TMEM67: variants seen among roughly 807,000 people sequenced by gnomAD.
TMEM67 encodes meckelin.
TMEM67 carries 124 observed loss-of-function variants against 136.6 expected under a neutral mutation model. The observed-to-expected ratio is 0.91, with a 90% CI of 0.78 to 1.05. The LOEUF (loss-of-function observed/expected upper bound fraction) is 1.05. TMEM67 is among the 50% of genes least tolerant of loss of function. The probability of loss-of-function intolerance (pLI) is 0.00; values close to 1 mark genes in which losing one functional copy is unlikely to be tolerated. For missense variants in TMEM67, 1,107 were observed against 1,178.4 expected (o/e 0.94, Z 0.89); for synonymous variants, 364 against 390.5 (o/e 0.93, Z 0.80).
At chr8:93,820,029 G>T (rs940586952), downstream of TMEM67, among the ~76,000 whole-genome samples, 1 of 152,000 alleles carries the variant, frequency 6.6e-6, no homozygotes, top group Non-Finnish European at 1.5e-5. Context: ...GGGCAACTAG[G>T]GATAGTCTCT....
At chr8:93,830,766 A>G in the TMEM67 span, among the ~76,000 whole-genome samples, 1 of 152,366 alleles carries the variant, frequency 6.6e-6, no homozygotes, top group Admixed American at 6.5e-5. Context: ...CAGCTTCTGT[A>G]GACTCAGCTT....
intron 3 of TMEM67, among the ~76,000 whole-genome samples, chr8:93,763,632 C>CT (rs896152893): frequency 7.9e-5 from 12 of 151,294 alleles, no homozygotes; most frequent in Non-Finnish European, 1.0e-4. Context: ...CATCACTTCT[C>CT]TTTTTTTTTG....
chr8:93,777,950 G>C (rs1813630116), intron 7 of TMEM67, among the ~76,000 whole-genome samples: 2 of 152,102 alleles, frequency 1.3e-5, no homozygotes, highest in Admixed American at 6.5e-5. Flanking sequence ...AGTGACAGTG[G>C]GGTGTTAAAG....
At chr8:93,815,738 A>G (rs1039918351) in intron 27 of TMEM67, among the ~76,000 whole-genome samples, 10 of 152,344 alleles carry the variant, frequency 6.6e-5, no homozygotes, top group African/African-American at 2.2e-4. Flanking sequence ...AGATGCTACA[A>G]GTGAACAGTA....
rs970248353 is a variant in TMEM67, at chr8:93,765,651, G to A, written c.651+5G>A. The A allele has an allele frequency of 5.6e-6, 9 of 1,603,284 alleles. No homozygotes were observed. In the African/African-American group the frequency reaches 9.4e-5, roughly 17 times the overall value. On this transcript the variant is annotated splice_donor_5th_base_variant and intron_variant, in intron 6 of 27. Coordinates refer to ENST00000453321, the MANE Select transcript of TMEM67 (RefSeq NM_153704.6). ...GCTGCACGTTATGGAGAAGTTGTGA[G>A]TATGTTTCAATTTTTTTGTTCTGTT...
At chr8:93,807,768 G>A (rs571344771) in intron 23 of TMEM67, among the ~76,000 whole-genome samples, 41 of 152,002 alleles carry the variant, frequency 2.7e-4, no homozygotes, top group African/African-American at 7.0e-4. Flanking sequence ...TTATGTTTTC[G>A]GGTTAGATTT....
At chr8:93,764,513 C>T (rs1173675828) in intron 4 of TMEM67, among the ~76,000 whole-genome samples, 1 of 152,090 alleles carries the variant, frequency 6.6e-6, no homozygotes, top group Non-Finnish European at 1.5e-5. Flanking sequence ...CACACACACA[C>T]ACACACACAC....
chr8:93,819,427 G>A (rs1332326745), downstream of TMEM67, among the ~76,000 whole-genome samples: 2 of 152,136 alleles, frequency 1.3e-5, no homozygotes, highest in African/African-American at 4.8e-5. Context: ...GTGGAGTATT[G>A]TCTCTGGGAG....
intron 7 of TMEM67, among the ~76,000 whole-genome samples, chr8:93,778,503 T>C (rs1813662433): frequency 1.3e-5 from 2 of 152,224 alleles, no homozygotes; most frequent in South Asian, 4.1e-4. Context: ...TGGTTGTTCC[T>C]TCCCATGTTT....
the TMEM67 span, among the ~76,000 whole-genome samples, chr8:93,825,683 C>T: frequency 1.3e-5 from 2 of 152,096 alleles, no homozygotes; most frequent in Non-Finnish European, 2.9e-5. Flanking sequence ...TGAATGAAAG[C>T]GATGAAGTGG....
Position 93,793,267 on chromosome 8 carries a change from C to T in TMEM67, c.1645C>T (p.Arg549Cys), listed in dbSNP as rs747025617. ...TTTGAAGACAGCAGGATGGAAGAGG[C>T]GCATTGGGAGTCCCATGATTGATTT... is the stretch of plus-strand genomic sequence containing the variant. ...SLLKTAGWKR[R>C]IGSPMIDLQT... Residue 549 changes from arginine (R) to cysteine (C), a missense_variant, in exon 16 of 28, where the codon CGC becomes TGC. Coordinates refer to ENST00000453321, the MANE Select transcript of TMEM67 (RefSeq NM_153704.6). 41 of 1,613,778 alleles carry T rather than the reference C, an allele frequency of 2.5e-5. No individual in the cohort carries two copies. The highest frequency in any genetic ancestry group is 1.6e-4 in the East Asian group (7 of 44,896).
Position 93,780,885 on chromosome 8 carries a change from T to C in TMEM67, c.881T>C (p.Leu294Pro). Residue 294 changes from leucine to proline, a missense_variant, in exon 9 of 28, where the codon CTT (leucine) becomes CCT (proline). This residue lies in a region of TMEM67 where 925 missense variants were observed against 1,002.4 expected (regional missense o/e 0.92). Coordinates refer to ENST00000453321, the MANE Select transcript of TMEM67 (RefSeq NM_153704.6). ...GTAACTGTTTATAGGAGACAGAATC[T>C]TCCTTGGCTGTTTTATGGAGACCAG... ...VHSISFWRQNLPWLFYGDQLG... is the reference protein window; with the variant it reads ...VHSISFWRQNPPWLFYGDQLG... The C allele has an allele frequency of 1.2e-6, 2 of 1,611,502 alleles. No individual in the cohort carries two copies. The highest frequency in any genetic ancestry group is 1.7e-6 in the Non-Finnish European group (2 of 1,179,002).
intron 27 of TMEM67, among the ~76,000 whole-genome samples, chr8:93,815,941 G>A (rs942582048): frequency 2.0e-5 from 3 of 152,320 alleles, no homozygotes; most frequent in African/African-American, 2.4e-5. Flanking sequence ...TCTTGAAATG[G>A]TGTTATTATC....
chr8:93,802,582 TA>T (rs1814914301), intron 21 of TMEM67, among the ~76,000 whole-genome samples: 1 of 152,238 alleles, frequency 6.6e-6, no homozygotes, highest in East Asian at 1.9e-4. Context: ...CAAGAATCCT[TA>T]AGGGTTCCTT....
the TMEM67 span, among the ~76,000 whole-genome samples, chr8:93,827,592 T>G: frequency 6.6e-6 from 1 of 151,354 alleles, no homozygotes; most frequent in Non-Finnish European, 1.5e-5. Context: ...TTTTTTTTTT[T>G]TGTATTTTTT....
intron 7 of TMEM67, among the ~76,000 whole-genome samples, chr8:93,774,840 A>G (rs942290234): frequency 6.6e-6 from 1 of 152,192 alleles, no homozygotes; most frequent in Non-Finnish European, 1.5e-5. Context: ...GTGTCTTTAT[A>G]GTAGCATGAT....
At chr8:93,800,589 T>C (rs560668944) in intron 21 of TMEM67, among the ~76,000 whole-genome samples, 1 of 152,280 alleles carries the variant, frequency 6.6e-6, no homozygotes, top group African/African-American at 2.4e-5. Context: ...AGCTCTGTTA[T>C]TATCCTCATT....
At chr8:93,818,941 A>G, downstream of TMEM67, 2 of 375,472 alleles carry the variant, frequency 5.3e-6, no homozygotes, top group South Asian at 4.1e-5. Flanking sequence ...AGCTGGAACA[A>G]CAGGTGTGCA....
chr8:93,813,980 G>A (rs1357170857), intron 26 of TMEM67, among the ~76,000 whole-genome samples: 1 of 152,098 alleles, frequency 6.6e-6, no homozygotes. Flanking sequence ...ATATACCCCT[G>A]TAACTAGTAC....
Sources: allele counts gnomAD v4.1 joint callset (sites outside exome capture counted in the v4.1 genomes callset), GRCh38; gene constraint gnomAD v4.1.1; regional missense constraint gnomAD v4.1.1; transcripts MANE v1.5; gene names NCBI Gene and HGNC (gene_info 2026-07-23, HGNC 2026-07-21).